Variants in TNKS1BP1 observed in about 807,000 individuals in gnomAD.
TNKS1BP1 encodes the protein CCR4-NOT transcription complex subunit 12, also known as 182 kDa tankyrase-1-binding protein.
In TNKS1BP1, 48 loss-of-function variants were observed where a neutral mutation model predicts 141.1. That is an observed-to-expected ratio of 0.34 (90% CI 0.27 to 0.43). The LOEUF is 0.43. Among genes scored for constraint, TNKS1BP1 ranks in the 20% least tolerant of loss-of-function variants. The probability of loss-of-function intolerance (pLI) is 1.00; values close to 1 mark genes in which losing one functional copy is unlikely to be tolerated. For synonymous variants in TNKS1BP1, 875 were observed against 898.2 expected (o/e 0.97, Z 0.46); for missense variants, 2,149 against 2,226.0 (o/e 0.97, Z 0.70).
At position 57,320,687 on chromosome 11, in the gene TNKS1BP1, G is replaced by T; in HGVS notation, c.120C>A (p.Val40=). 6.2e-7 allele frequency: 1 copy of T among 1,603,220 alleles called. No homozygotes were observed. The highest frequency in any genetic ancestry group is 1.1e-5 in the South Asian group (1 of 90,374). ...CAGGCAGGGCCCGGGGTTTGGGCTT[G>T]ACAGGGGGTTTGGCCCGAGTGTCAC... ...EPGDTRAKPP[V]KPKPRALPAK... is the part of the protein sequence containing the mutation. The change falls in exon 3 of 12, where the codon GTC becomes GTA. Residue 40 remains valine, a synonymous_variant. Coordinates refer to ENST00000358252, the MANE Select transcript of TNKS1BP1 (RefSeq NM_033396.3).
At chr11:57,318,864 G>A (rs1467354759) in intron 3 of TNKS1BP1, among the ~76,000 whole-genome samples, 7 of 152,126 alleles carry the variant, frequency 4.6e-5, no homozygotes, top group Non-Finnish European at 8.8e-5. Context: ...TGTTCCTCTC[G>A]CAGGGCGCAG....
chr11:57,322,404 C>T, intron 1 of TNKS1BP1: 1 of 758,514 alleles, frequency 1.3e-6, no homozygotes, highest in South Asian at 5.9e-5. Context: ...CCTCCCCCTT[C>T]CCACTCACCC....
intron 9 of TNKS1BP1, 37 bp from the exon 10 acceptor site, chr11:57,301,078 G>A (rs1385473106): frequency 1.9e-6 from 3 of 1,564,084 alleles, no homozygotes; most frequent in Admixed American, 3.7e-5. Context: ...GATAGTAGAG[G>A]GACAGGCAGT....
At chr11:57,311,323 A>T in intron 5 of TNKS1BP1, 2 of 985,692 alleles carry the variant, frequency 2.0e-6, no homozygotes, top group Non-Finnish European at 2.4e-6. Context: ...CAGCCGCTCC[A>T]GGATAGACAT....
In TNKS1BP1 at chr11:57,302,405, C is replaced by G. The variant is rs1419596659; in HGVS notation, c.4683+54G>C. The stretch of plus-strand genomic sequence containing the variant: ...GCTCAGGGAAGCTCCAGGAATGGGG[C>G]TCTCGCTGCATCGCCCTCACCCACC... On this transcript the variant is annotated intron_variant, in intron 7 of 11. Transcript: ENST00000358252. The surrounding 1 kb of genome is among the most constrained non-coding windows in gnomAD (Gnocchi z 5.5). 2.6e-6 allele frequency: 4 copies of G among 1,548,064 alleles called. No individual in the cohort carries two copies. The highest frequency in any genetic ancestry group is 3.5e-6 in the Non-Finnish European group (4 of 1,142,668).
Position 57,309,072 on chromosome 11 carries a change from C to T in TNKS1BP1, c.3639G>A (p.Gly1213=). 1 of 1,614,178 alleles carries T rather than the reference C, an allele frequency of 6.2e-7. No homozygotes were observed. Among genetic ancestry groups the T allele is most frequent in the Non-Finnish European group, 8.5e-7 (1 of 1,180,036 alleles). The change falls in exon 6 of 12, where the codon GGG becomes GGA. Residue 1213 remains glycine, a synonymous_variant. Coordinates refer to ENST00000358252, the MANE Select transcript of TNKS1BP1 (RefSeq NM_033396.3). The surrounding 1 kb of genome is among the most constrained non-coding windows in gnomAD (Gnocchi z 4.3). The part of the protein sequence containing the change: ...MNLTGCLESG[G]SEEPGGIGVG... ...CTCCGATTCCCCCCGGCTCTTCAGA[C>T]CCTCCACTTTCCAAACAGCCGGTCA... is the stretch of plus-strand genomic sequence containing the variant.
At chr11:57,306,903 T>TGGGGGGGGGGG (rs796934603) in intron 6 of TNKS1BP1, among the ~76,000 whole-genome samples, 1 of 70,176 alleles carries the variant, frequency 1.4e-5, no homozygotes. Context: ...GCTGTGGTGG[T>TGGGGGGGGGGG]GGGGGGGGGG....
chr11:57,300,885 C>T lies in TNKS1BP1; in HGVS notation c.5128G>A (p.Gly1710Arg). Residue 1710 changes from glycine to arginine, a missense_variant and splice_region_variant, in exon 10 of 12, where the codon GGG becomes AGG. By Grantham distance (125) the Gly-to-Arg change is moderately radical. Transcript: ENST00000358252. Reference sequence around the variant, plus strand: ...ATGCCCAGAGCTTAGGTCACCTACCCTGAGGATTTCTCTGGCTTGGGAGGT... The same window carrying T: ...ATGCCCAGAGCTTAGGTCACCTACCTTGAGGATTTCTCTGGCTTGGGAGGT... Reference protein sequence around the residue: ...TLPPKPEKSSGSEGSSPNWLQ... With the variant: ...TLPPKPEKSSRSEGSSPNWLQ... 2 of 1,613,536 alleles carry T rather than the reference C, an allele frequency of 1.2e-6. No individual in the cohort carries two copies. The highest frequency in any genetic ancestry group is 1.7e-6 in the Non-Finnish European group (2 of 1,179,660).
chr11:57,311,248 G>A (rs556092481), intron 5 of TNKS1BP1: 26 of 985,562 alleles, frequency 2.6e-5, no homozygotes, highest in South Asian at 2.3e-4. Flanking sequence ...CCTTGTGGGC[G>A]GGAGAGCCCT....
In TNKS1BP1 at chr11:57,302,506, G is replaced by C. The variant is rs1037582035; in HGVS notation, c.4636C>G (p.Gln1546Glu). Residue 1546 changes from glutamine (Q) to glutamate (E), a missense_variant, in exon 7 of 12, where the codon CAA (glutamine) becomes GAA (glutamate). By Grantham distance (29) the Gln-to-Glu change is conservative. Coordinates refer to ENST00000358252, the MANE Select transcript of TNKS1BP1 (RefSeq NM_033396.3). The surrounding 1 kb of genome is among the most constrained non-coding windows in gnomAD (Gnocchi z 5.5). ...CTGGGGGATCTGGCAGGAGGGCCTTGGGAGGGTCGCCGAGAAGTCTGTGCT... is the reference window on the plus strand; with the variant it reads ...CTGGGGGATCTGGCAGGAGGGCCTTCGGAGGGTCGCCGAGAAGTCTGTGCT... ...GPAQTSRRPS[Q>E]GPPARSPSQD... 15 of 1,610,906 alleles carry C rather than the reference G, an allele frequency of 9.3e-6. No homozygotes were observed. The highest frequency in any genetic ancestry group is 1.3e-5 in the Non-Finnish European group (15 of 1,178,342).
chr11:57,300,698 G>C (rs1855512281), intron 10 of TNKS1BP1, 98 bp from the exon 11 acceptor site: 2 of 1,546,250 alleles, frequency 1.3e-6, no homozygotes, highest in South Asian at 2.3e-5. Context: ...CTAACCAGAA[G>C]AGGCAGTCTG....
chr11:57,302,465 G>A lies in TNKS1BP1; in HGVS notation c.4677C>T (p.Phe1559=). ...PARSPSQDFS[F]IEDTEILDSA... ...GGGCTCACCCTCCACTGACCTCAAT[G>A]AAGGAGAAGTCCTGACTGGGGGATC... is the stretch of plus-strand genomic sequence containing the variant. Residue 1559 remains phenylalanine, a synonymous_variant, in exon 7 of 12, where the codon TTC becomes TTT. Coordinates refer to ENST00000358252, the MANE Select transcript of TNKS1BP1 (RefSeq NM_033396.3). This position sits in a 1 kb window ranked among gnomAD's most constrained non-coding sequence, Gnocchi z 5.5. 28 of 1,595,086 alleles carry A rather than the reference G, an allele frequency of 1.8e-5. No homozygotes were observed. Among genetic ancestry groups the A allele is most frequent in the Non-Finnish European group, 2.3e-5 (27 of 1,167,744 alleles).
chr11:57,302,410 G>T lies in TNKS1BP1; in HGVS notation c.4683+49C>A. ...GGGAAGCTCCAGGAATGGGGCTCTC[G>T]CTGCATCGCCCTCACCCACCCACTG... On this transcript the variant is annotated intron_variant, in intron 7 of 11. Transcript: ENST00000358252. This position sits in a 1 kb window ranked among gnomAD's most constrained non-coding sequence, Gnocchi z 5.5. 1 of 1,550,188 alleles carries T rather than the reference G, an allele frequency of 6.5e-7. No individual in the cohort carries two copies. Among genetic ancestry groups the T allele is most frequent in the Non-Finnish European group, 8.7e-7 (1 of 1,143,580 alleles).
intron 3 of TNKS1BP1, 68 bp downstream of exon 3, chr11:57,320,011 G>GCCCCCCCCCCAAACCC: frequency 7.7e-7 from 1 of 1,296,680 alleles, no homozygotes; most frequent in Non-Finnish European, 1.1e-6. Context: ...TTGGTCCCCA[G>GCCCCCCCCCCAAACCC]CCCCCACCCA....
rs1216165869 is a variant in TNKS1BP1, at chr11:57,302,109, G to A, written c.4799C>T (p.Ala1600Val). The stretch of plus-strand genomic sequence containing the variant: ...CTGGAACAGGTGTGCATCCGAGTCT[G>A]CTGCCTCCGACAGGCCCAAGGTACC... ...PGGTLGLSEA[A>V]DSDAHLFQDS... Residue 1600 changes from alanine (A) to valine (V), a missense_variant, in exon 8 of 12, where the codon GCA becomes GTA. By Grantham distance (64) the Ala-to-Val change is moderately conservative. Transcript: ENST00000358252. The surrounding 1 kb of genome is among the most constrained non-coding windows in gnomAD (Gnocchi z 5.5). 1 of 1,613,892 alleles carries A rather than the reference G, an allele frequency of 6.2e-7. No individual in the cohort carries two copies. The highest frequency in any genetic ancestry group is 8.5e-7 in the Non-Finnish European group (1 of 1,179,926).
At chr11:57,314,488 C>G (rs116616860) in intron 4 of TNKS1BP1, among the ~76,000 whole-genome samples, 2,066 of 152,320 alleles carry the variant, frequency 0.014, 54 homozygotes, top group African/African-American at 0.047. Context: ...GCCGTCCCAG[C>G]ACTGCCTCTT....
rs772088316 is a variant in TNKS1BP1 at position 57,312,779 on chromosome 11, C to T, written c.1909G>A (p.Ala637Thr). 1.9e-6 allele frequency: 3 copies of T among 1,608,504 alleles called. No homozygotes were observed. Among genetic ancestry groups the T allele is most frequent in the Non-Finnish European group, 2.5e-6 (3 of 1,176,844 alleles). The change falls in exon 5 of 12, where the codon GCC (alanine) becomes ACC (threonine). Residue 637 changes from alanine (A) to threonine (T), a missense_variant. Transcript: ENST00000358252. ...GGCAGTGCCTGTCCAGGCTCAGGGG[C>T]ATCAGCAAAGAGAACACAGGGCTGG... Reference protein sequence around the residue: ...PDQPCVLFADAPEPGQALPVE... With the variant: ...PDQPCVLFADTPEPGQALPVE...
intron 6 of TNKS1BP1, among the ~76,000 whole-genome samples, chr11:57,306,721 A>G (rs957673738): frequency 3.3e-5 from 5 of 152,178 alleles, no homozygotes; most frequent in African/African-American, 1.2e-4. Context: ...ACGGTAACAC[A>G]ACCACAAAAG....
At chr11:57,320,017 A>AAACCACCCC in intron 3 of TNKS1BP1, 62 bp downstream of exon 3, 1 of 483,140 alleles carries the variant, frequency 2.1e-6, no homozygotes, top group Non-Finnish European at 3.5e-6. Context: ...CCCAGCCCCC[A>AAACCACCCC]CCCAATCCCA....
Sources: allele counts gnomAD v4.1 joint callset (sites outside exome capture counted in the v4.1 genomes callset), GRCh38; gene constraint gnomAD v4.1.1; non-coding constraint Gnocchi (gnomAD v3.1); transcripts MANE v1.5; gene names NCBI Gene and HGNC (gene_info 2026-07-23, HGNC 2026-07-21).